HNRNPA1L2: variants seen among roughly 807,000 people sequenced by gnomAD.
HNRNPA1L2 encodes heterogeneous nuclear ribonucleoprotein A1 like 2, also known as heterogeneous nuclear ribonucleoprotein A1-like 2.
A neutral mutation model predicts 18.2 loss-of-function variants in HNRNPA1L2; 10 were observed. The ratio of observed to expected loss-of-function variants is 0.55; its 90% CI spans 0.34 to 0.93. HNRNPA1L2 has a LOEUF of 0.93. HNRNPA1L2 is among the 40% of genes least tolerant of loss of function. HNRNPA1L2 has a pLI of 0.02. For synonymous variants in HNRNPA1L2, 124 were observed against 138.6 expected (o/e 0.89, Z 0.74); for missense variants, 308 against 394.4 (o/e 0.78, Z 1.85).
upstream of HNRNPA1L2, among the ~76,000 whole-genome samples, chr13:52,639,391 A>G (rs1284208127): frequency 2.0e-5 from 3 of 152,164 alleles, no homozygotes; most frequent in East Asian, 3.8e-4. Flanking sequence ...TCCCCTCCCA[A>G]TAAACCCATT....
chr13:52,619,652 T>A, the HNRNPA1L2 span, among the ~76,000 whole-genome samples: 1 of 149,030 alleles, frequency 6.7e-6, no homozygotes, highest in East Asian at 2.2e-4. Flanking sequence ...CTGGGCGTGG[T>A]GGCTCACGCC....
upstream of HNRNPA1L2, chr13:52,641,290 T>C (rs1961646259): frequency 6.6e-6 from 1 of 152,226 alleles, no homozygotes; most frequent in Non-Finnish European, 1.5e-5. Context: ...TCTGTAGTAT[T>C]GCATTTGACT....
chr13:52,641,652 C>T (rs1210487885), upstream of HNRNPA1L2: 1 of 152,208 alleles, frequency 6.6e-6, no homozygotes, highest in Non-Finnish European at 1.5e-5. Flanking sequence ...TCTGTTCTCC[C>T]CAGTGCAATA....
At chr13:52,638,087 C>A (rs762171035), upstream of HNRNPA1L2, among the ~76,000 whole-genome samples, 10 of 152,060 alleles carry the variant, frequency 6.6e-5, no homozygotes, top group Non-Finnish European at 5.9e-5. Flanking sequence ...AATAGGGAAT[C>A]CCTCTTTTAA....
chr13:52,623,701 C>T, the HNRNPA1L2 span, among the ~76,000 whole-genome samples: 4 of 152,194 alleles, frequency 2.6e-5, no homozygotes, highest in Admixed American at 2.0e-4. Flanking sequence ...ATCATAGCTT[C>T]ATGCATAGCC....
chr13:52,641,042 C>A (rs1048128326), upstream of HNRNPA1L2: 1 of 152,230 alleles, frequency 6.6e-6, no homozygotes, highest in Non-Finnish European at 1.5e-5. Context: ...ATGCAAACTT[C>A]TGAACAGGGT....
chr13:52,635,946 C>A, the HNRNPA1L2 span, among the ~76,000 whole-genome samples: 3 of 151,382 alleles, frequency 2.0e-5, no homozygotes, highest in Non-Finnish European at 2.9e-5. Flanking sequence ...AAGCATTTCT[C>A]CTGCCTCAGT....
chr13:52,621,054 A>T, the HNRNPA1L2 span, among the ~76,000 whole-genome samples: 1 of 152,190 alleles, frequency 6.6e-6, no homozygotes, highest in Non-Finnish European at 1.5e-5. Context: ...TTTTAAATAT[A>T]TTATACCCTC....
chr13:52,622,451 A>G, the HNRNPA1L2 span, among the ~76,000 whole-genome samples: 121 of 152,346 alleles, frequency 7.9e-4, no homozygotes, highest in African/African-American at 2.8e-3. Context: ...ATTGTATTAT[A>G]TTTAAATAAC....
the HNRNPA1L2 span, among the ~76,000 whole-genome samples, chr13:52,625,426 T>C: frequency 6.6e-6 from 1 of 152,190 alleles, no homozygotes; most frequent in African/African-American, 2.4e-5. Flanking sequence ...AAAGATACTT[T>C]AACAAGTTCT....
Position 52,643,496 on chromosome 13 carries a change from T to C in HNRNPA1L2, c.*41T>C. 2.6e-6 allele frequency: 4 copies of C among 1,521,924 alleles called. No homozygotes were observed. Among genetic ancestry groups the C allele is most frequent in the Non-Finnish European group, 3.6e-6 (4 of 1,113,722 alleles). 94.3% of individuals were successfully genotyped at this position (1,521,924 alleles called of 1,614,324 possible). The stretch of plus-strand genomic sequence containing the variant: ...TAGCAGGAGAGGAGAGCCAGAGAAG[T>C]GACAGGGAAGCTACAGGTTACAACA... On this transcript the variant is annotated 3_prime_UTR_variant, in exon 1 of 1. Transcript: ENST00000357495.
At chr13:52,629,904 A>G in the HNRNPA1L2 span, among the ~76,000 whole-genome samples, 3 of 152,146 alleles carry the variant, frequency 2.0e-5, no homozygotes, top group Non-Finnish European at 4.4e-5. Flanking sequence ...CCTGGCTAAC[A>G]TGGTGAAACC....
upstream of HNRNPA1L2, among the ~76,000 whole-genome samples, chr13:52,637,619 T>A (rs1013159070): frequency 2.0e-5 from 3 of 152,214 alleles, no homozygotes; most frequent in African/African-American, 7.2e-5. Context: ...TAGAATTTTA[T>A]GAAATTCAAA....
chr13:52,631,604 T>G, the HNRNPA1L2 span, among the ~76,000 whole-genome samples: 131 of 152,338 alleles, frequency 8.6e-4, no homozygotes, highest in Non-Finnish European at 1.5e-3. Context: ...TGACTTGAAA[T>G]CACATTACTT....
chr13:52,621,731 A>G, the HNRNPA1L2 span, among the ~76,000 whole-genome samples: 1 of 147,700 alleles, frequency 6.8e-6, no homozygotes, highest in African/African-American at 2.4e-5. Flanking sequence ...TACTTCTCTG[A>G]TTTTCAGTTT....
the HNRNPA1L2 span, among the ~76,000 whole-genome samples, chr13:52,628,211 G>A: frequency 6.6e-6 from 1 of 152,190 alleles, no homozygotes; most frequent in African/African-American, 2.4e-5. Flanking sequence ...GTGAGGCTGA[G>A]GTGAGAGGAT....
chr13:52,621,286 C>G, the HNRNPA1L2 span, among the ~76,000 whole-genome samples: 1 of 152,180 alleles, frequency 6.6e-6, no homozygotes, highest in East Asian at 1.9e-4. Flanking sequence ...CGATTATTTT[C>G]TTTTCTGTTC....
the HNRNPA1L2 span, chr13:52,622,027 G>GATATTT: frequency 6.4e-6 from 1 of 157,332 alleles, no homozygotes; most frequent in Admixed American, 6.5e-5. Context: ...GGCACTAACG[G>GATATTT]CGCTATCTGT....
chr13:52,630,873 A>T, the HNRNPA1L2 span, among the ~76,000 whole-genome samples: 2 of 152,250 alleles, frequency 1.3e-5, no homozygotes, highest in Admixed American at 1.3e-4. Flanking sequence ...TAACTGAGTC[A>T]GTTAATACCG....
Sources: allele counts gnomAD v4.1 joint callset (sites outside exome capture counted in the v4.1 genomes callset), GRCh38; gene constraint gnomAD v4.1.1; transcripts MANE v1.5; gene names NCBI Gene and HGNC (gene_info 2026-07-23, HGNC 2026-07-21).